COL23A1: variants seen among roughly 807,000 people sequenced by gnomAD.
The protein encoded by COL23A1 is collagen type XXIII alpha 1 chain, also known as collagen alpha-1(XXIII) chain.
COL23A1 carries 97 observed loss-of-function variants against 99.3 expected under a neutral mutation model. That is an observed-to-expected ratio of 0.98 (90% confidence interval 0.83 to 1.16). The LOEUF (loss-of-function observed/expected upper bound fraction) is 1.16. COL23A1 is among the 50% of genes most tolerant of loss of function. The pLI, the probability that COL23A1 is intolerant of heterozygous loss-of-function variation, is 0.00. For synonymous variants in COL23A1, 320 were observed against 308.2 expected (o/e 1.04, Z -0.40); for missense variants, 762 against 757.4 (o/e 1.01, Z -0.07).
intron 2 of COL23A1, among the ~76,000 whole-genome samples, chr5:178,545,155 G>A (rs1380461774): frequency 6.6e-6 from 1 of 152,098 alleles, no homozygotes; most frequent in Non-Finnish European, 1.5e-5. Flanking sequence ...CCATAGAGGG[G>A]GTGGGGGGTG....
intron 2 of COL23A1, among the ~76,000 whole-genome samples, chr5:178,532,444 G>GTCCAGA (rs143613235): frequency 0.02 from 3,102 of 152,180 alleles, 95 homozygotes; most frequent in African/African-American, 0.069. Context: ...AGAAACAACA[G>GTCCAGA]TCCAGAGACA....
At chr5:178,554,847 C>G (rs944648925) in intron 2 of COL23A1, among the ~76,000 whole-genome samples, 2 of 152,052 alleles carry the variant, frequency 1.3e-5, no homozygotes, top group African/African-American at 4.8e-5. Flanking sequence ...AAAAAAAAAT[C>G]ATGGTAAAAT....
intron 5 of COL23A1, among the ~76,000 whole-genome samples, chr5:178,283,057 A>AT (rs975518857): frequency 1.1e-3 from 164 of 151,140 alleles, no homozygotes; most frequent in African/African-American, 3.7e-3. Context: ...TTTTATTTTT[A>AT]TTTTTTTTGG....
intron 2 of COL23A1, among the ~76,000 whole-genome samples, chr5:178,446,067 A>G (rs1409300872): frequency 6.6e-6 from 1 of 151,990 alleles, no homozygotes; most frequent in Non-Finnish European, 1.5e-5. Flanking sequence ...ATTAAACAAG[A>G]AAATTTTTTT....
At chr5:178,512,758 A>G (rs1243145695) in intron 2 of COL23A1, among the ~76,000 whole-genome samples, 1 of 152,184 alleles carries the variant, frequency 6.6e-6, no homozygotes, top group East Asian at 1.9e-4. Context: ...CCTTCCACGC[A>G]GCCCCAAGCA....
chr5:178,504,442 G>C (rs1442458749), intron 2 of COL23A1, among the ~76,000 whole-genome samples: 2 of 152,214 alleles, frequency 1.3e-5, no homozygotes, highest in African/African-American at 2.4e-5. Flanking sequence ...ATGAAAACGA[G>C]AGGATGGGGA....
rs13358883 is a variant in COL23A1 at position 178,484,145 on chromosome 5, T to C, written c.361+76537A>G. Among the ~76,000 whole-genome samples, 1,516 of 152,178 alleles carry C rather than the reference T, an allele frequency of 1.0e-2. 27 individuals carry two copies. The highest frequency in any genetic ancestry group is 0.034 in the African/African-American group (1,426 of 41,526). ...TTCACCGTGTTGGCCAGGCTGGTCT[T>C]GAACTCGACCTCAGGTGATCCGCCT... On this transcript the variant is annotated intron_variant, in intron 2 of 28. Coordinates refer to ENST00000390654, the MANE Select transcript of COL23A1 (RefSeq NM_173465.4).
chr5:178,498,221 T>TAC, intron 2 of COL23A1, among the ~76,000 whole-genome samples: 1 of 45,258 alleles, frequency 2.2e-5, no homozygotes, highest in South Asian at 9.5e-4. Context: ...TATATATATA[T>TAC]ATATATATAT....
intron 17 of COL23A1, among the ~76,000 whole-genome samples, chr5:178,251,505 A>G (rs1335000392): frequency 6.6e-6 from 1 of 152,202 alleles, no homozygotes; most frequent in Non-Finnish European, 1.5e-5. Context: ...GTTGAACTGA[A>G]TAAAAATAAA....
At position 178,261,723 on chromosome 5, in the gene COL23A1, T is replaced by C; in HGVS notation, c.701A>G (p.Lys234Arg). The change falls in exon 11 of 29, where the codon AAG (lysine) becomes AGG (arginine). Residue 234 changes from lysine to arginine, a missense_variant and splice_region_variant. By Grantham distance (26) the Lys-to-Arg change is conservative. Coordinates refer to ENST00000390654, the MANE Select transcript of COL23A1 (RefSeq NM_173465.4). Reference sequence around the variant, plus strand: ...GCATGGGGAATAAGGAGTACTCACCTTGGGCCCTGGGGGTCCCTTTGGGCC... The same window carrying C: ...GCATGGGGAATAAGGAGTACTCACCCTGGGCCCTGGGGGTCCCTTTGGGCC... Reference protein sequence around the residue: ...EMGPKGPPGPKGEPGVPGKKG... With the variant: ...EMGPKGPPGPRGEPGVPGKKG... The C allele has an allele frequency of 1.2e-6, 2 of 1,609,234 alleles. No homozygotes were observed. Among genetic ancestry groups the C allele is most frequent in the Non-Finnish European group, 1.7e-6 (2 of 1,175,546 alleles).
rs767334442 is a variant in COL23A1, at chr5:178,589,648, T to A, written c.294+256A>T. Among the ~76,000 whole-genome samples, 3 of 152,148 alleles carry A rather than the reference T, an allele frequency of 2.0e-5. No individual in the cohort carries two copies. The highest frequency in any genetic ancestry group is 4.4e-5 in the Non-Finnish European group (3 of 68,018). On this transcript the variant is annotated intron_variant, in intron 1 of 28. Coordinates refer to ENST00000390654, the MANE Select transcript of COL23A1 (RefSeq NM_173465.4). The surrounding 1 kb of genome is among the most constrained non-coding windows in gnomAD (Gnocchi z 5.4). ...CTGTTACTCCAAAGTCCCTGGTCTC[T>A]CCTTCCCCTTTCTCGCGGCCGCCTG...
intron 2 of COL23A1, among the ~76,000 whole-genome samples, chr5:178,481,529 A>G (rs978729016): frequency 1.3e-5 from 2 of 152,170 alleles, no homozygotes; most frequent in Non-Finnish European, 1.5e-5. Flanking sequence ...AAACAAAACA[A>G]AACAAAACAA....
At chr5:178,466,126 T>C (rs1756407829) in intron 2 of COL23A1, among the ~76,000 whole-genome samples, 1 of 152,166 alleles carries the variant, frequency 6.6e-6, no homozygotes. Flanking sequence ...TCAGAGGCAT[T>C]GCAACGCAAA....
chr5:178,406,854 A>G (rs764981104), intron 2 of COL23A1, among the ~76,000 whole-genome samples: 1 of 152,222 alleles, frequency 6.6e-6, no homozygotes, highest in Non-Finnish European at 1.5e-5. Flanking sequence ...AAGAATTTAA[A>G]ATGTTATAAA....
intron 2 of COL23A1, among the ~76,000 whole-genome samples, chr5:178,358,374 GTA>G (rs1291246050): frequency 3.7e-4 from 55 of 150,508 alleles, no homozygotes; most frequent in East Asian, 8.0e-4. Flanking sequence ...GTGTACGTGT[GTA>G]TGTCTAATGT....
chr5:178,410,866 A>T (rs1765021453), intron 2 of COL23A1, among the ~76,000 whole-genome samples: 1 of 152,264 alleles, frequency 6.6e-6, no homozygotes, highest in African/African-American at 2.4e-5. Flanking sequence ...TTTTCAAATC[A>T]TATATCTGAC....
intron 2 of COL23A1, among the ~76,000 whole-genome samples, chr5:178,507,697 T>G (rs530524575): frequency 6.6e-6 from 1 of 152,250 alleles, no homozygotes; most frequent in Non-Finnish European, 1.5e-5. Context: ...CTGCTGTCAT[T>G]GACATTGCTG....
intron 5 of COL23A1, among the ~76,000 whole-genome samples, chr5:178,271,184 G>T (rs113634298): frequency 6.6e-6 from 1 of 152,158 alleles, no homozygotes; most frequent in South Asian, 2.1e-4. Flanking sequence ...ACAAAGCCTC[G>T]CCTAGCTCCC....
At chr5:178,501,305 G>A (rs1051638766) in intron 2 of COL23A1, among the ~76,000 whole-genome samples, 8 of 152,258 alleles carry the variant, frequency 5.3e-5, no homozygotes, top group African/African-American at 9.6e-5. Flanking sequence ...CCAACAGGCC[G>A]GGCACAGTGG....
Sources: gnomAD v4.1 joint callset for allele counts (sites outside exome capture counted in the v4.1 genomes callset) on GRCh38, gnomAD v4.1.1 for gene constraint, Gnocchi (gnomAD v3.1) non-coding constraint, MANE v1.5 for transcripts, NCBI Gene and HGNC (gene_info 2026-07-23, HGNC 2026-07-21) for gene names.